PCDH17: variants seen among roughly 807,000 people sequenced by gnomAD.
The protein encoded by PCDH17 is protocadherin-17.
A neutral mutation model predicts 67.7 loss-of-function variants in PCDH17; 21 were observed. That is an observed-to-expected ratio of 0.31 (90% CI 0.22 to 0.45). The LOEUF (loss-of-function observed/expected upper bound fraction) is 0.45, where lower values mean the gene tolerates loss of function less well. PCDH17 is among the 20% of genes least tolerant of loss of function. PCDH17 has a pLI of 1.00. For missense variants in PCDH17, 1,471 were observed against 1,564.8 expected (o/e 0.94, Z 1.01); for synonymous variants, 701 against 656.7 (o/e 1.07, Z -1.03).
chr13:57,639,202 A>T (rs1954861325), intron 1 of PCDH17, among the ~76,000 whole-genome samples: 2 of 151,968 alleles, frequency 1.3e-5, no homozygotes, highest in Admixed American at 1.3e-4. Context: ...GAAAAGGTAG[A>T]ATGAGTAATT....
intron 3 of PCDH17, among the ~76,000 whole-genome samples, chr13:57,705,332 T>A (rs942103030): frequency 6.6e-6 from 1 of 152,088 alleles, no homozygotes; most frequent in Admixed American, 6.6e-5. Context: ...TTTTTAATGT[T>A]TAAGTTTTCA....
rs1955922943 is a variant in PCDH17, at chr13:57,727,358, C to T, written c.*2064C>T. 1 of 152,522 alleles carries T rather than the reference C, an allele frequency of 6.6e-6. No individual in the cohort carries two copies. Among genetic ancestry groups the T allele is most frequent in the African/African-American group, 2.4e-5 (1 of 41,426 alleles). The allele number at this position is 152,522 out of a possible 1,614,324, so 9.4% of individuals were successfully genotyped here. A position where few individuals can be genotyped will look rare whatever the true frequency, so the allele number is the denominator to read the frequency against. ...GCCAGTGTAGAAACAGCAAAAATGT[C>T]ATAAAAATTCTTATATTTAAAACAA... On this transcript the variant is annotated 3_prime_UTR_variant, in exon 4 of 4. Transcript: ENST00000377918.
intron 1 of PCDH17, among the ~76,000 whole-genome samples, chr13:57,659,568 T>C (rs990574079): frequency 6.6e-6 from 1 of 152,164 alleles, no homozygotes; most frequent in Non-Finnish European, 1.5e-5. Flanking sequence ...ACCCCACATT[T>C]TGAATACTCT....
intron 1 of PCDH17, among the ~76,000 whole-genome samples, chr13:57,641,587 AATATATAT>A (rs1166347188): frequency 4.4e-4 from 9 of 20,576 alleles, no homozygotes; most frequent in Admixed American, 8.4e-4. Flanking sequence ...AAAAAAAAAA[AATATATAT>A]ATATATATAT....
rs561266225 is a variant in PCDH17, at chr13:57,695,882, C to A, written c.2798-28730C>A. 2.6e-5 allele frequency among the ~76,000 whole-genome samples: 4 copies of A among 151,390 alleles called. No individual in the cohort carries two copies. In the South Asian group the frequency reaches 8.3e-4, roughly 31 times the overall value. On this transcript the variant is annotated intron_variant, in intron 3 of 3. Transcript: ENST00000377918. ...TGTAATTGAAAGTCTCTGCTCTACC[C>A]GGGATATATTGTTGTTTCATATAAA...
chr13:57,697,311 G>C (rs566435177), intron 3 of PCDH17, among the ~76,000 whole-genome samples: 158 of 151,598 alleles, frequency 1.0e-3, no homozygotes, highest in Middle Eastern at 3.4e-3. Flanking sequence ...GCAAATTTTT[G>C]CATGTGTTCT....
At chr13:57,675,313 T>C (rs1955379574) in intron 3 of PCDH17, among the ~76,000 whole-genome samples, 1 of 151,918 alleles carries the variant, frequency 6.6e-6, no homozygotes, top group South Asian at 2.1e-4. Context: ...CTTTCCTTAG[T>C]GTTGTAAGGA....
intron 1 of PCDH17, among the ~76,000 whole-genome samples, chr13:57,648,876 G>A (rs1374907108): frequency 6.6e-6 from 1 of 152,060 alleles, no homozygotes; most frequent in East Asian, 1.9e-4. Flanking sequence ...TTTTGCCAGT[G>A]TAAGTATAAT....
chr13:57,630,134 G>A (rs1954699412), upstream of PCDH17, among the ~76,000 whole-genome samples: 1 of 152,220 alleles, frequency 6.6e-6, no homozygotes, highest in African/African-American at 2.4e-5. Context: ...TGGGGAGAGA[G>A]CAGGGATCGC....
At chr13:57,679,993 A>C (rs2138046028) in intron 3 of PCDH17, among the ~76,000 whole-genome samples, 1 of 151,664 alleles carries the variant, frequency 6.6e-6, no homozygotes, top group African/African-American at 2.4e-5. Flanking sequence ...TGGATAAGGT[A>C]ATTCAGTAAA....
chr13:57,675,937 A>G (rs189255294), intron 3 of PCDH17, among the ~76,000 whole-genome samples: 1 of 152,098 alleles, frequency 6.6e-6, no homozygotes, highest in East Asian at 1.9e-4. Context: ...GGAGGAATGA[A>G]CAAAGTAAGC....
intron 1 of PCDH17, among the ~76,000 whole-genome samples, chr13:57,641,570 AAAAAAAAAAAAAAAAAAATATATATAT>A (rs1417447978): frequency 2.8e-4 from 7 of 25,194 alleles, no homozygotes; most frequent in African/African-American, 1.6e-3. Context: ...AAAAAAAAAA[AAAAAAAAAAAAAAAAAAATATATATAT>A]ATATATATAT....
intron 3 of PCDH17, among the ~76,000 whole-genome samples, chr13:57,717,359 C>T: frequency 6.6e-6 from 1 of 151,912 alleles, no homozygotes; most frequent in East Asian, 1.9e-4. Context: ...TGCATTTATT[C>T]CTTATCATAA....
chr13:57,648,960 TA>T (rs1955002677), intron 1 of PCDH17, among the ~76,000 whole-genome samples: 1 of 152,100 alleles, frequency 6.6e-6, no homozygotes. Context: ...GTGTGTCTAA[TA>T]TAGGAAGTAC....
chr13:57,643,081 T>C (rs1029517155), intron 1 of PCDH17, among the ~76,000 whole-genome samples: 44 of 151,760 alleles, frequency 2.9e-4, no homozygotes, highest in Admixed American at 2.6e-3. Flanking sequence ...TTTAACTGAA[T>C]ACTTGATATA....
At chr13:57,697,707 A>G (rs192726707) in intron 3 of PCDH17, among the ~76,000 whole-genome samples, 47 of 151,868 alleles carry the variant, frequency 3.1e-4, no homozygotes, top group African/African-American at 1.1e-3. Context: ...TATAGATTAC[A>G]AATAATGAAA....
chr13:57,698,950 C>T (rs1256753364), intron 3 of PCDH17, among the ~76,000 whole-genome samples: 1 of 151,832 alleles, frequency 6.6e-6, no homozygotes, highest in Non-Finnish European at 1.5e-5. Flanking sequence ...TAGCTAGAAC[C>T]GACTTGACAT....
rs1449317172 is a variant in PCDH17 at position 57,725,263 on chromosome 13, G to A, written c.3449G>A (p.Arg1150Gln). Reference protein sequence around the residue: ...REIDKLLQDCRGNDPVAVRK With the variant: ...REIDKLLQDCQGNDPVAVRK ...ATTGATAAGCTTTTGCAAGACTGCC[G>A]GGGAAACGACCCTGTGGCTGTGAGA... The change falls in exon 4 of 4, where the codon CGG becomes CAG. Residue 1150 changes from arginine (R) to glutamine (Q), a missense_variant. Arg to Gln is a conservative substitution (Grantham distance 43). Around this residue, in one of 3 missense-constraint regions of PCDH17, gnomAD observed 297 missense variants for 298.6 expected, o/e 0.99. Transcript: ENST00000377918. 1.1e-5 allele frequency: 17 copies of A among 1,611,710 alleles called. No individual in the cohort carries two copies. The highest frequency in any genetic ancestry group is 2.7e-5 in the African/African-American group (2 of 74,476).
chr13:57,681,231 A>G (rs1023685622), intron 3 of PCDH17, among the ~76,000 whole-genome samples: 5 of 151,690 alleles, frequency 3.3e-5, no homozygotes, highest in Admixed American at 6.6e-5. Context: ...CTTATTTACA[A>G]TCTTAGATGA....
Sources: gnomAD v4.1 joint callset for allele counts (sites outside exome capture counted in the v4.1 genomes callset) on GRCh38, gnomAD v4.1.1 for gene constraint, gnomAD v4.1.1 regional missense constraint, MANE v1.5 for transcripts, NCBI Gene and HGNC (gene_info 2026-07-23, HGNC 2026-07-21) for gene names.